The following CRBN variants were observed in gnomAD, a reference collection of about 807,000 sequenced individuals.
CRBN encodes the protein protein cereblon.
Under a neutral mutation model 62.2 loss-of-function variants are expected in CRBN, and 53 were observed. The observed-to-expected ratio is 0.85, with a 90% CI of 0.68 to 1.07. The LOEUF (loss-of-function observed/expected upper bound fraction) is 1.07, where lower values mean the gene tolerates loss of function less well. Ranked by LOEUF, CRBN falls within the 50% of genes least tolerant of loss-of-function variation. The pLI is 0.00. For missense variants in CRBN, 616 were observed against 531.1 expected (o/e 1.16, Z -1.57); for synonymous variants, 208 against 176.1 (o/e 1.18, Z -1.43).
chr3:3,153,289 G>C (rs1706714639), intron 9 of CRBN, 135 bp downstream of exon 9: 6 of 626,666 alleles, frequency 9.6e-6, no homozygotes, highest in Non-Finnish European at 1.2e-5. Context: ...GCAAAAGTGA[G>C]CTAATTCCCT....
At chr3:3,162,520 C>A (rs530622792) in intron 5 of CRBN, among the ~76,000 whole-genome samples, 1 of 152,134 alleles carries the variant, frequency 6.6e-6, no homozygotes, top group African/African-American at 2.4e-5. Flanking sequence ...ATGAGAGACA[C>A]GTGCTGAATC....
chr3:3,164,739 C>T (rs991546429), intron 5 of CRBN, among the ~76,000 whole-genome samples: 4 of 152,288 alleles, frequency 2.6e-5, no homozygotes, highest in Middle Eastern at 3.4e-3. Context: ...TGATGGGAGA[C>T]ATACAAGGAG....
At chr3:3,162,367 C>T (rs1329014724) in intron 5 of CRBN, among the ~76,000 whole-genome samples, 1 of 151,786 alleles carries the variant, frequency 6.6e-6, no homozygotes, top group Non-Finnish European at 1.5e-5. Flanking sequence ...AATCCCCCTA[C>T]AGTAAACCAG....
At chr3:3,176,374 A>G (rs1707823202) in intron 1 of CRBN, among the ~76,000 whole-genome samples, 1 of 152,248 alleles carries the variant, frequency 6.6e-6, no homozygotes, top group Admixed American at 6.5e-5. Flanking sequence ...TGAGAGAAAG[A>G]TAACCTAGCA....
chr3:3,175,418 G>C, intron 1 of CRBN, 149 bp from the exon 2 acceptor site: 1 of 652,168 alleles, frequency 1.5e-6, no homozygotes, highest in South Asian at 1.8e-5. Context: ...GAGGACTGGG[G>C]TCCGTGCTGG....
rs1362032633 is a variant in CRBN at position 3,174,594 on chromosome 3, T to C, written c.175-333A>G. Among the ~76,000 whole-genome samples the C allele has an allele frequency of 3.3e-5, 5 of 152,216 alleles. No individual in the cohort carries two copies. The East Asian group carries it at 5.8e-4, about 18-fold the overall frequency. ...AGGTGGAGGCTGCAGTGAGCTGAGA[T>C]TGTGCCACTGCACTCACTCGAGCTT... On this transcript the variant is annotated intron_variant, in intron 2 of 10. Transcript: ENST00000231948.
At chr3:3,162,237 A>G (rs921827434) in intron 5 of CRBN, among the ~76,000 whole-genome samples, 3 of 152,232 alleles carry the variant, frequency 2.0e-5, no homozygotes, top group African/African-American at 7.2e-5. Flanking sequence ...TATATGAATA[A>G]GCAGATGGTC....
At chr3:3,155,435 C>T (rs1483658180) in intron 6 of CRBN, 1 of 154,138 alleles carries the variant, frequency 6.5e-6, no homozygotes, top group East Asian at 1.9e-4. Context: ...GCTATGCACA[C>T]CAGGTACAAT....
intron 1 of CRBN, among the ~76,000 whole-genome samples, chr3:3,178,622 G>C (rs1177872934): frequency 2.0e-5 from 3 of 152,134 alleles, no homozygotes; most frequent in Non-Finnish European, 2.9e-5. Flanking sequence ...TGCCTCTGAA[G>C]AGCCACAACA....
chr3:3,175,219 C>G lies in CRBN; in HGVS notation c.118G>C (p.Glu40Gln). 1 of 1,613,504 alleles carries G rather than the reference C, an allele frequency of 6.2e-7. No homozygotes were observed. The change falls in exon 2 of 11, where the codon GAA (glutamate) becomes CAA (glutamine). Residue 40 changes from glutamate to glutamine, a missense_variant. Glu to Gln is a conservative substitution (Grantham distance 29). Coordinates refer to ENST00000231948, the MANE Select transcript of CRBN (RefSeq NM_016302.4). ...EMEVEDQDSK[E>Q]AKKPNIINFD... ...TTTATGATGTTTGGTTTTTTGGCTTCTTTACTATCCTGGTCTTCAACTTCC... is the reference window on the plus strand; with the variant it reads ...TTTATGATGTTTGGTTTTTTGGCTTGTTTACTATCCTGGTCTTCAACTTCC...
At chr3:3,170,538 T>C (rs1363271232) in intron 4 of CRBN, among the ~76,000 whole-genome samples, 1 of 152,144 alleles carries the variant, frequency 6.6e-6, no homozygotes, top group Non-Finnish European at 1.5e-5. Flanking sequence ...TTTAAGCAAA[T>C]TACTTAACCT....
intron 5 of CRBN, among the ~76,000 whole-genome samples, chr3:3,158,330 G>A (rs1176984683): frequency 6.6e-6 from 1 of 152,124 alleles, no homozygotes; most frequent in African/African-American, 2.4e-5. Flanking sequence ...CCGGCTGTGC[G>A]TCCCGGTTCC....
rs866123640 is a variant in CRBN, at chr3:3,179,656, G to T, written c.32C>A (p.Ala11Glu). MAGEGDQQDA[A>E]HNMGNHLPLL... ...CGGCAGGTGGTTGCCCATGTTGTGC[G>T]CAGCGTCCTGCTGATCTCCTTCGCC... The change falls in exon 1 of 11, where the codon GCG becomes GAG. Residue 11 changes from alanine to glutamate, a missense_variant. Ala to Glu is a moderately radical substitution (Grantham distance 107). Coordinates refer to ENST00000231948, the MANE Select transcript of CRBN (RefSeq NM_016302.4). The T allele has an allele frequency of 3.1e-6, 5 of 1,613,122 alleles. No homozygotes were observed. Among genetic ancestry groups the T allele is most frequent in the Non-Finnish European group, 4.2e-6 (5 of 1,179,594 alleles).
chr3:3,171,187 T>C (rs973183821), intron 4 of CRBN, among the ~76,000 whole-genome samples: 3 of 152,216 alleles, frequency 2.0e-5, no homozygotes, highest in East Asian at 1.9e-4. Context: ...TTGTGTTCAA[T>C]AGTTTTTCCA....
intron 3 of CRBN, 53 bp from the exon 4 acceptor site, chr3:3,172,978 T>C (rs1205262447): frequency 7.2e-7 from 1 of 1,382,738 alleles, no homozygotes; most frequent in Non-Finnish European, 1.0e-6. Flanking sequence ...GTTTTAAATA[T>C]ATGCAAAGTA....
rs1316288922 is a variant in CRBN at position 3,150,540 on chromosome 3, G to GAAAT, written c.*321_*324dup. The stretch of plus-strand genomic sequence containing the variant: ...AAGATTTTTTTTTTTTTTAACACAG[G>GAAAT]AAATAATCTCATCATTTCCAAAGAT... On this transcript the variant is annotated 3_prime_UTR_variant, in exon 11 of 11. Coordinates refer to ENST00000231948, the MANE Select transcript of CRBN (RefSeq NM_016302.4). 9 of 212,942 alleles carry GAAAT rather than the reference G, an allele frequency of 4.2e-5. 1 individual carries two copies. Among genetic ancestry groups the GAAAT allele is most frequent in the African/African-American group, 1.9e-4 (8 of 42,310 alleles). 13.2% of individuals were successfully genotyped at this position (212,942 alleles called of 1,614,324 possible). A position where few individuals can be genotyped will look rare whatever the true frequency, so the allele number is the denominator to read the frequency against.
At chr3:3,151,685 AAGATAGGGCAATCCAAGATACATAGT>A (rs957144088) in intron 10 of CRBN, among the ~76,000 whole-genome samples, 3 of 152,200 alleles carry the variant, frequency 2.0e-5, no homozygotes, top group Non-Finnish European at 4.4e-5. Flanking sequence ...GGTGCCAAGT[AAGATAGGGCAATCCAAGATACATAGT>A]CCTAACCCCA....
In CRBN at chr3:3,172,856, A is replaced by T. The variant is rs758840124; in HGVS notation, c.447T>A (p.Asp149Glu). Residue 149 changes from aspartate (D) to glutamate (E), a missense_variant, in exon 4 of 11, where the codon GAT (aspartate) becomes GAA (glutamate). Asp to Glu is a conservative substitution (Grantham distance 45). Transcript: ENST00000231948. The part of the protein sequence containing the change: ...AEIYAYREEQ[D>E]FGIEIVKVKA... ...TCACTTTCACTATCTCAATTCCAAA[A>T]TCCTGTTCTTCTCGATAGGCATATA... 3.7e-6 allele frequency: 6 copies of T among 1,613,768 alleles called. No individual in the cohort carries two copies. Among genetic ancestry groups the T allele is most frequent in the Non-Finnish European group, 4.2e-6 (5 of 1,179,704 alleles).
At chr3:3,152,373 G>C in intron 10 of CRBN, 83 bp downstream of exon 10, 1 of 1,381,634 alleles carries the variant, frequency 7.2e-7, no homozygotes, top group Admixed American at 2.1e-5. Flanking sequence ...AAAGATTGTG[G>C]CAACTCTGCT....
Sources: gnomAD v4.1 joint callset for allele counts (sites outside exome capture counted in the v4.1 genomes callset) on GRCh38, gnomAD v4.1.1 for gene constraint, MANE v1.5 for transcripts, NCBI Gene and HGNC (gene_info 2026-07-23, HGNC 2026-07-21) for gene names.